The following SYNE2 variants were observed in gnomAD, a reference collection of about 807,000 sequenced individuals.
The protein encoded by SYNE2 is nesprin-2.
In SYNE2, 431 loss-of-function variants were observed where a neutral mutation model predicts 856.3. The ratio of observed to expected loss-of-function variants is 0.50; its 90% CI spans 0.47 to 0.55. The LOEUF is 0.55. Ranked by LOEUF, SYNE2 falls within the 20% of genes least tolerant of loss-of-function variation. The pLI is 0.00. For missense variants in SYNE2, 8,129 were observed against 8,023.2 expected (o/e 1.01, Z -0.50); for synonymous variants, 2,923 against 2,872.3 (o/e 1.02, Z -0.56).
In SYNE2 at chr14:63,981,272, ACAC is replaced by A. The variant is rs2096583444; in HGVS notation, c.1836+102_1836+104del. 9.2e-6 allele frequency: 10 copies of A among 1,085,080 alleles called. No homozygotes were observed. The Admixed American group carries it at 2.0e-4, about 21-fold the overall frequency. 67.2% of individuals were successfully genotyped at this position (1,085,080 alleles called of 1,614,324 possible). The stretch of plus-strand genomic sequence containing the variant: ...CAAAGATGAGAAAACAGAGAAGAGT[ACAC>A]CAGTGTTTTGGAAAATTCTTCAAGG... On this transcript the variant is annotated intron_variant, in intron 16 of 115. Coordinates refer to ENST00000555002, the MANE Select transcript of SYNE2 (RefSeq NM_182914.3).
chr14:64,202,243 G>A lies in SYNE2; in HGVS notation c.18039-558G>A, dbSNP rs1211830382. The A allele has an allele frequency of 7.1e-6, 5 of 702,346 alleles. No individual in the cohort carries two copies. The Admixed American group carries it at 8.0e-5, about 11-fold the overall frequency. The allele number at this position is 702,346 out of a possible 1,614,324, so 43.5% of individuals were successfully genotyped here. A position where few individuals can be genotyped will look rare whatever the true frequency, so the allele number is the denominator to read the frequency against. On this transcript the variant is annotated intron_variant, in intron 99 of 115. Coordinates refer to ENST00000555002, the MANE Select transcript of SYNE2 (RefSeq NM_182914.3). Reference sequence around the variant, plus strand: ...TGGGCTGGTTCAATGTATACGGCTGGGTGAACCCCTCATACTGAAGCGGTA... The same window carrying A: ...TGGGCTGGTTCAATGTATACGGCTGAGTGAACCCCTCATACTGAAGCGGTA...
At chr14:63,896,733 C>A (rs947902663) in intron 1 of SYNE2, among the ~76,000 whole-genome samples, 4 of 152,184 alleles carry the variant, frequency 2.6e-5, no homozygotes, top group African/African-American at 9.7e-5. Flanking sequence ...GCCATTTCCT[C>A]TCATTTCTCT....
intron 49 of SYNE2, among the ~76,000 whole-genome samples, chr14:64,062,287 A>C (rs962668321): frequency 6.6e-6 from 1 of 152,212 alleles, no homozygotes; most frequent in Non-Finnish European, 1.5e-5. Context: ...TTTAATTAAT[A>C]GTCTAGTGAG....
rs1191301083 is a variant in SYNE2, at chr14:64,031,252, G to C, written c.7116G>C (p.Lys2372Asn). The C allele has an allele frequency of 6.2e-7, 1 of 1,614,158 alleles. No individual in the cohort carries two copies. The highest frequency in any genetic ancestry group is 1.7e-5 in the Admixed American group (1 of 60,026). The change falls in exon 45 of 116, where the codon AAG becomes AAC. Residue 2372 changes from lysine to asparagine, a missense_variant. Lys to Asn is a moderately conservative substitution (Grantham distance 94). Around this residue, in one of 3 missense-constraint regions of SYNE2, gnomAD observed 297 missense variants for 380.9 expected, o/e 0.78. Transcript: ENST00000555002. ...KSKRSTEKKG[K>N]FTLPGREKQA... Reference sequence around the variant, plus strand: ...AACGCTCAACAGAAAAGAAAGGAAAGTTTACTCTGCCAGGCAGAGAGAAGC... The same window carrying C: ...AACGCTCAACAGAAAAGAAAGGAAACTTTACTCTGCCAGGCAGAGAGAAGC...
intron 7 of SYNE2, among the ~76,000 whole-genome samples, chr14:63,953,530 A>C (rs2096196840): frequency 2.9e-5 from 2 of 68,264 alleles, no homozygotes; most frequent in South Asian, 1.4e-3. Flanking sequence ...AAATAGATAG[A>C]TAGAGAGAGA....
intron 53 of SYNE2, among the ~76,000 whole-genome samples, chr14:64,074,641 A>G (rs1282612736): frequency 6.6e-6 from 1 of 152,180 alleles, no homozygotes; most frequent in Non-Finnish European, 1.5e-5. Flanking sequence ...CACACCTATA[A>G]TCCCAGCACT....
intron 2 of SYNE2, among the ~76,000 whole-genome samples, chr14:63,910,820 A>G (rs927750769): frequency 6.6e-6 from 1 of 152,212 alleles, no homozygotes; most frequent in Non-Finnish European, 1.5e-5. Context: ...GGGACTCAGT[A>G]TGTACATCAC....
intron 1 of SYNE2, among the ~76,000 whole-genome samples, chr14:63,823,342 C>G (rs187738503): frequency 6.6e-6 from 1 of 151,904 alleles, no homozygotes; most frequent in African/African-American, 2.4e-5. Context: ...TCATGCCTAG[C>G]GCATTCGTAT....
intron 106 of SYNE2, among the ~76,000 whole-genome samples, chr14:64,214,707 T>C (rs2098657517): frequency 6.6e-6 from 1 of 152,190 alleles, no homozygotes; most frequent in African/African-American, 2.4e-5. Context: ...ACACTAAGGT[T>C]ACTCAGTGAT....
Position 64,016,389 on chromosome 14 carries a change from C to G in SYNE2, c.4729-84C>G, listed in dbSNP as rs563834533. The G allele has an allele frequency of 2.4e-5, 22 of 902,770 alleles. No homozygotes were observed. In the East Asian group the frequency reaches 5.9e-4, roughly 24 times the overall value. The allele number at this position is 902,770 out of a possible 1,614,324, so 55.9% of individuals were successfully genotyped here. Reference sequence around the variant, plus strand: ...TGCTTTGTTGGGTATTGTTTTTAAGCTCAATATCCAACAATAGAATTGTGA... The same window carrying G: ...TGCTTTGTTGGGTATTGTTTTTAAGGTCAATATCCAACAATAGAATTGTGA... On this transcript the variant is annotated intron_variant, in intron 32 of 115. Transcript: ENST00000555002.
Position 64,080,603 on chromosome 14 carries a change from C to CA in SYNE2, c.11312dup (p.Arg3772GlufsTer5). 1.9e-6 allele frequency: 3 copies of CA among 1,614,150 alleles called. No homozygotes were observed. Among genetic ancestry groups the CA allele is most frequent in the Non-Finnish European group, 2.5e-6 (3 of 1,180,040 alleles). ...TTTCCAGCAGTATCAGCAAGTATCA[C>CA]AGAGAGCAGAGTGTAGAACCTCACA... On this transcript the variant is annotated frameshift_variant, in exon 56 of 116. Transcript: ENST00000555002. LOFTEE classifies it high-confidence loss of function.
intron 45 of SYNE2, 131 bp from the exon 46 acceptor site, chr14:64,047,869 G>C (rs2097197553): frequency 7.3e-6 from 7 of 959,560 alleles, no homozygotes; most frequent in Non-Finnish European, 7.9e-6. Context: ...ATCTTTCGTA[G>C]TGCCCAAATA....
At chr14:63,997,985 A>AT (rs1463863807) in intron 25 of SYNE2, among the ~76,000 whole-genome samples, 1 of 152,114 alleles carries the variant, frequency 6.6e-6, no homozygotes, top group Admixed American at 6.5e-5. Flanking sequence ...CAGAAATAGC[A>AT]TTTTGGGGCT....
rs1483848620 is a variant in SYNE2, at chr14:64,070,857, G to A, written c.10644G>A (p.Val3548=). 6.2e-7 allele frequency: 1 copy of A among 1,614,120 alleles called. No homozygotes were observed. Among genetic ancestry groups the A allele is most frequent in the South Asian group, 1.1e-5 (1 of 91,082 alleles). Residue 3548 remains valine (V), a synonymous_variant, in exon 52 of 116, where the codon GTG becomes GTA. Transcript: ENST00000555002. ...ATGTTCCTGAAAGCTCAGGGGCTGT[G>A]GAAACTGTTCCAGCATTTCAAGAAA... is the stretch of plus-strand genomic sequence containing the variant. ...IQNVPESSGA[V]ETVPAFQEIT... is the part of the protein sequence containing the mutation.
chr14:64,099,013 G>A (rs1262072600), intron 63 of SYNE2, 192 bp downstream of exon 63: 6 of 608,258 alleles, frequency 9.9e-6, no homozygotes, highest in Non-Finnish European at 1.5e-5. Context: ...CTGTGTAAGA[G>A]TGAGATGAAT....
At chr14:64,112,360 A>G (rs1409260326) in intron 65 of SYNE2, among the ~76,000 whole-genome samples, 1 of 152,236 alleles carries the variant, frequency 6.6e-6, no homozygotes, top group African/African-American at 2.4e-5. Flanking sequence ...TTTTGAGAGC[A>G]AAAGGTTTAT....
rs2097424112 is a variant in SYNE2, at chr14:64,072,945, G to A, written c.10698-1023G>A. On this transcript the variant is annotated intron_variant, in intron 52 of 115. Transcript: ENST00000555002. ...TTTATTAATAAAGGATATAATGAAG[G>A]ATACAGATAAACAGCCAGATGGAAG... is the stretch of plus-strand genomic sequence containing the variant. 6.6e-5 allele frequency among the ~76,000 whole-genome samples: 10 copies of A among 152,264 alleles called. No homozygotes were observed. The South Asian group carries it at 2.1e-3, about 32-fold the overall frequency.
chr14:63,936,998 T>C (rs1008047418), intron 2 of SYNE2, among the ~76,000 whole-genome samples: 1 of 152,004 alleles, frequency 6.6e-6, no homozygotes, highest in Non-Finnish European at 1.5e-5. Context: ...AGGAGGAAAA[T>C]CAGGAGTCTG....
intron 18 of SYNE2, 61 bp downstream of exon 18, chr14:63,983,947 A>T: frequency 1.6e-6 from 2 of 1,252,830 alleles, no homozygotes; most frequent in African/African-American, 1.5e-5. Flanking sequence ...CTTTGCTATT[A>T]AAAAAAAGAT....
Sources: allele counts gnomAD v4.1 joint callset (sites outside exome capture counted in the v4.1 genomes callset), GRCh38; gene constraint gnomAD v4.1.1; regional missense constraint gnomAD v4.1.1; transcripts MANE v1.5; gene names NCBI Gene and HGNC (gene_info 2026-07-23, HGNC 2026-07-21).